The following CACHD1 variants were observed in gnomAD, a reference collection of about 807,000 sequenced individuals.
The protein encoded by CACHD1 is VWFA and cache domain-containing protein 1.
CACHD1 carries 71 observed loss-of-function variants against 138.7 expected under a neutral mutation model. The ratio of observed to expected loss-of-function variants is 0.51; its 90% CI spans 0.42 to 0.62. The LOEUF is 0.62. Ranked by LOEUF, CACHD1 falls within the 20% of genes least tolerant of loss-of-function variation. The pLI, the probability that CACHD1 is intolerant of heterozygous loss-of-function variation, is 0.00. For synonymous variants in CACHD1, 578 were observed against 591.5 expected (o/e 0.98, Z 0.33); for missense variants, 1,389 against 1,625.3 (o/e 0.85, Z 2.50).
intron 16 of CACHD1, among the ~76,000 whole-genome samples, chr1:64,670,370 A>G (rs1028656987): frequency 7.9e-5 from 12 of 152,248 alleles, no homozygotes; most frequent in Admixed American, 2.0e-4. Context: ...TCTGGAAATT[A>G]TAATGCCTTT....
chr1:64,643,504 A>T (rs538615178), intron 8 of CACHD1, among the ~76,000 whole-genome samples: 331 of 152,256 alleles, frequency 2.2e-3, no homozygotes, highest in African/African-American at 7.7e-3. Context: ...GCAATATATG[A>T]TTGTGTTTAA....
chr1:64,471,040 C>A, intron 1 of CACHD1, 98 bp downstream of exon 1: 3 of 1,226,556 alleles, frequency 2.4e-6, no homozygotes, highest in Non-Finnish European at 3.3e-6. Flanking sequence ...TGTGCATCGG[C>A]TCCTTGCATA....
intron 1 of CACHD1, among the ~76,000 whole-genome samples, chr1:64,516,215 C>G (rs539788295): frequency 6.6e-6 from 1 of 152,140 alleles, no homozygotes; most frequent in Non-Finnish European, 1.5e-5. Context: ...TTAACATTTT[C>G]TTTTTTCTCC....
rs5774711 is a variant in CACHD1 at position 64,598,944 on chromosome 1, A to ATATTATAATATATTAATATTAATAT, written c.411-3859_411-3858insTATAATATATTAATATTAATATTAT. ...TTAATATTATTATATATTAATATTA[A>ATATTATAATATATTAATATTAATAT]TATATATTAATATCATTGCCTTTGG... On this transcript the variant is annotated intron_variant, in intron 3 of 26. Coordinates refer to ENST00000651257, the MANE Select transcript of CACHD1 (RefSeq NM_020925.4). Among the ~76,000 whole-genome samples, 14 of 147,950 alleles carry ATATTATAATATATTAATATTAATAT rather than the reference A, an allele frequency of 9.5e-5. 3 individuals carry two copies. The highest frequency in any genetic ancestry group is 4.1e-4 in the Admixed American group (6 of 14,766).
intron 26 of CACHD1, among the ~76,000 whole-genome samples, chr1:64,685,554 CT>C (rs34501570): frequency 1.3e-5 from 2 of 151,882 alleles, no homozygotes; most frequent in Non-Finnish European, 2.9e-5. Flanking sequence ...ACTTCTCCCC[CT>C]TTTTTTTCCA....
At chr1:64,507,967 A>G (rs1161151851) in intron 1 of CACHD1, among the ~76,000 whole-genome samples, 1 of 152,208 alleles carries the variant, frequency 6.6e-6, no homozygotes, top group Non-Finnish European at 1.5e-5. Context: ...GAATTTATAA[A>G]GAAAAGTGGT....
chr1:64,515,648 T>C (rs1300511147), intron 1 of CACHD1, among the ~76,000 whole-genome samples: 1 of 152,180 alleles, frequency 6.6e-6, no homozygotes, highest in East Asian at 1.9e-4. Context: ...TCTGTTCAGA[T>C]TGAGCCACAG....
intron 2 of CACHD1, among the ~76,000 whole-genome samples, chr1:64,569,557 A>T (rs1570376038): frequency 6.6e-6 from 1 of 152,014 alleles, no homozygotes; most frequent in South Asian, 2.1e-4. Context: ...GCCCAGCTGG[A>T]GAGGAGCAGC....
At chr1:64,540,823 A>G (rs1031564848) in intron 1 of CACHD1, among the ~76,000 whole-genome samples, 2 of 152,186 alleles carry the variant, frequency 1.3e-5, no homozygotes, top group East Asian at 1.9e-4. Context: ...AGCCCTTTGT[A>G]AAGGTGACAC....
chr1:64,531,524 T>C (rs966552449), intron 1 of CACHD1, among the ~76,000 whole-genome samples: 11 of 151,936 alleles, frequency 7.2e-5, no homozygotes, highest in Non-Finnish European at 1.5e-5. Context: ...TGTGTGTGTG[T>C]GTGTGTCTGT....
chr1:64,572,163 A>T (rs1646931786), intron 2 of CACHD1, among the ~76,000 whole-genome samples: 1 of 152,166 alleles, frequency 6.6e-6, no homozygotes, highest in African/African-American at 2.4e-5. Flanking sequence ...TTCTACACAA[A>T]AAGTTGTGAC....
intron 1 of CACHD1, among the ~76,000 whole-genome samples, chr1:64,492,627 A>T (rs1416803227): frequency 3.9e-5 from 6 of 151,934 alleles, no homozygotes; most frequent in Non-Finnish European, 8.8e-5. Context: ...GGTGCCCAGC[A>T]GCGCTGTGCG....
chr1:64,689,905 T>C (rs919202645), intron 26 of CACHD1, among the ~76,000 whole-genome samples: 1 of 152,238 alleles, frequency 6.6e-6, no homozygotes, highest in African/African-American at 2.4e-5. Context: ...ATACCTCAGT[T>C]ATAGCACTTA....
intron 1 of CACHD1, among the ~76,000 whole-genome samples, chr1:64,498,913 A>G (rs750301661): frequency 1.6e-4 from 25 of 152,236 alleles, no homozygotes; most frequent in Non-Finnish European, 5.9e-5. Context: ...AACTTGCAGA[A>G]TGGAGAACCA....
intron 4 of CACHD1, among the ~76,000 whole-genome samples, chr1:64,625,088 A>G (rs1648049347): frequency 6.6e-6 from 1 of 152,214 alleles, no homozygotes; most frequent in Non-Finnish European, 1.5e-5. Flanking sequence ...GGCCCATTAC[A>G]GAAGTTGGTC....
chr1:64,550,490 T>C, intron 1 of CACHD1, 104 bp from the exon 2 acceptor site: 1 of 763,808 alleles, frequency 1.3e-6, no homozygotes, highest in Non-Finnish European at 2.1e-6. Flanking sequence ...ATTAAATTTT[T>C]TTTCTACTAG....
chr1:64,482,177 A>C (rs962472743), intron 1 of CACHD1, among the ~76,000 whole-genome samples: 1 of 152,186 alleles, frequency 6.6e-6, no homozygotes. Context: ...AAGGGACTAG[A>C]GGTGTAGAAA....
chr1:64,603,097 ATCTTT>A (rs773287725), intron 4 of CACHD1, among the ~76,000 whole-genome samples, 185 bp downstream of exon 4: 5,639 of 134,520 alleles, frequency 0.042, 90 homozygotes, highest in Middle Eastern at 0.073. Flanking sequence ...TCAAGCTTAC[ATCTTT>A]TTTTTTTTTT....
intron 2 of CACHD1, among the ~76,000 whole-genome samples, chr1:64,556,759 A>G (rs1353077384): frequency 2.6e-5 from 4 of 152,176 alleles, no homozygotes; most frequent in Non-Finnish European, 5.9e-5. Context: ...TAATTAGTTC[A>G]CTATATGTAG....
Sources: allele counts gnomAD v4.1 joint callset (sites outside exome capture counted in the v4.1 genomes callset), GRCh38; gene constraint gnomAD v4.1.1; transcripts MANE v1.5; gene names NCBI Gene and HGNC (gene_info 2026-07-23, HGNC 2026-07-21).